PCDHGA1: variants seen among roughly 807,000 people sequenced by gnomAD.
The protein encoded by PCDHGA1 is protocadherin gamma-A1.
In PCDHGA1, 32 loss-of-function variants were observed where a neutral mutation model predicts 58.0. The ratio of observed to expected loss-of-function variants is 0.55; its 90% CI spans 0.42 to 0.74. The LOEUF is 0.74. PCDHGA1 is among the 30% of genes least tolerant of loss of function. The probability of loss-of-function intolerance (pLI) is 0.00; values close to 1 mark genes in which losing one functional copy is unlikely to be tolerated. For missense variants in PCDHGA1, 1,205 were observed against 1,182.3 expected (o/e 1.02, Z -0.28); for synonymous variants, 498 against 501.1 (o/e 0.99, Z 0.08).
At chr5:141,415,259 T>A (rs778452630) in intron 1 of PCDHGA1, 5 of 1,614,226 alleles carry the variant, frequency 3.1e-6, no homozygotes, top group Admixed American at 1.7e-5. Flanking sequence ...GACCTCACTC[T>A]GTACCTGGTG....
chr5:141,494,924 TGGGAGGAGATGGGGGAG>T, intron 2 of PCDHGA1, 59 bp downstream of exon 2: 1 of 1,613,498 alleles, frequency 6.2e-7, no homozygotes, highest in Admixed American at 1.7e-5. Flanking sequence ...AGGGATGACG[TGGGAGGAGATGGGGGAG>T]GGCCCAGCAT....
At chr5:141,399,645 A>C (rs762123604) in intron 1 of PCDHGA1, 8 of 1,613,676 alleles carry the variant, frequency 5.0e-6, no homozygotes, top group Admixed American at 1.7e-5. Flanking sequence ...TGAGCGCGCA[A>C]AGTGGGGTGG....
intron 1 of PCDHGA1, among the ~76,000 whole-genome samples, chr5:141,460,454 T>C (rs1010186960): frequency 6.6e-6 from 1 of 152,194 alleles, no homozygotes; most frequent in Admixed American, 6.6e-5. Context: ...TGAAGATTCA[T>C]ATTTTTTTCC....
rs778153551 is a variant in PCDHGA1 at position 141,339,688 on chromosome 5, G to A, written c.2421+6583G>A. 43 of 1,614,032 alleles carry A rather than the reference G, an allele frequency of 2.7e-5. No homozygotes were observed. In the Middle Eastern group the frequency reaches 8.2e-4, roughly 31 times the overall value. ...AGGTCCTGGATGCGAACGACAATGC[G>A]CCTGTTTTTACACAGCCCGAGTACC... On this transcript the variant is annotated intron_variant, in intron 1 of 3. Transcript: ENST00000517417.
chr5:141,504,180 A>G (rs1195970606), intron 2 of PCDHGA1, among the ~76,000 whole-genome samples: 1 of 152,236 alleles, frequency 6.6e-6, no homozygotes, highest in Non-Finnish European at 1.5e-5. Context: ...ATTCAAAAAA[A>G]TCATGAAAAT....
intron 1 of PCDHGA1, chr5:141,419,680 C>T (rs757026598): frequency 9.3e-6 from 15 of 1,612,946 alleles, no homozygotes; most frequent in Non-Finnish European, 1.3e-5. Flanking sequence ...TGTCCTACCA[C>T]GTGGTGCAGG....
In PCDHGA1 at chr5:141,476,877, T is replaced by C. The variant is rs2099400648; in HGVS notation, c.2422-17930T>C. ...CAGTCCTTGTACCGGGCGCGCGTCC[T>C]GGAGGATGCACCCTCCGGCACGCGC... On this transcript the variant is annotated intron_variant, in intron 1 of 3. Transcript: ENST00000517417. This position sits in a 1 kb window ranked among gnomAD's most constrained non-coding sequence, Gnocchi z 7.6. 4.3e-6 allele frequency: 7 copies of C among 1,613,954 alleles called. No homozygotes were observed. The highest frequency in any genetic ancestry group is 5.9e-6 in the Non-Finnish European group (7 of 1,180,038).
intron 1 of PCDHGA1, chr5:141,375,151 T>A (rs1771184032): frequency 6.2e-7 from 1 of 1,613,844 alleles, no homozygotes; most frequent in African/African-American, 1.3e-5. Context: ...GCAGAACAAT[T>A]GCTGAAAGTG....
chr5:141,374,348 A>G (rs756876853), intron 1 of PCDHGA1: 4 of 1,614,028 alleles, frequency 2.5e-6, no homozygotes, highest in Middle Eastern at 1.6e-4. Context: ...CACCGCGGGT[A>G]GGATAGACCG....
chr5:141,485,279 C>T lies in PCDHGA1; in HGVS notation c.2422-9528C>T. 1 of 1,614,108 alleles carries T rather than the reference C, an allele frequency of 6.2e-7. No individual in the cohort carries two copies. Among genetic ancestry groups the T allele is most frequent in the Non-Finnish European group, 8.5e-7 (1 of 1,179,966 alleles). ...TTGTGGGCAGATCCGCTACCCGGTC[C>T]CAGAGGAGTCACAGGAAGGGACTTT... On this transcript the variant is annotated intron_variant, in intron 1 of 3. Transcript: ENST00000517417. The surrounding 1 kb of genome is among the most constrained non-coding windows in gnomAD (Gnocchi z 5.7).
At chr5:141,351,438 C>G in intron 1 of PCDHGA1, 1 of 1,612,402 alleles carries the variant, frequency 6.2e-7, no homozygotes, top group Non-Finnish European at 8.5e-7. Context: ...TTAGAATCCA[C>G]CTCGAAGAAT....
chr5:141,390,587 A>T (rs1043489470), intron 1 of PCDHGA1: 1 of 340,604 alleles, frequency 2.9e-6, no homozygotes, highest in Non-Finnish European at 5.3e-6. Flanking sequence ...AAAGTGAATG[A>T]GATTTTTCCT....
At chr5:141,483,603 A>T (rs1277479077) in intron 1 of PCDHGA1, among the ~76,000 whole-genome samples, 1 of 152,054 alleles carries the variant, frequency 6.6e-6, no homozygotes, top group Non-Finnish European at 1.5e-5. Context: ...AGGCTGGTTT[A>T]CACCTCCATC....
Position 141,394,531 on chromosome 5 carries a change from C to T in PCDHGA1, c.2421+61426C>T, listed in dbSNP as rs1188248060. ...CCCGCCCTCCCCACAGACGGTTCCA[C>T]TGGCGTGGAGCTGGCGCCCCGCTCC... On this transcript the variant is annotated intron_variant, in intron 1 of 3. Transcript: ENST00000517417. 3 of 1,614,224 alleles carry T rather than the reference C, an allele frequency of 1.9e-6. No homozygotes were observed. In the South Asian group the frequency reaches 3.3e-5, roughly 18 times the overall value.
intron 1 of PCDHGA1, chr5:141,361,558 A>G (rs775084773): frequency 6.2e-7 from 1 of 1,614,012 alleles, no homozygotes; most frequent in South Asian, 1.1e-5. Context: ...CGCTCAAATC[A>G]GTGCCTCTGA....
intron 1 of PCDHGA1, chr5:141,419,448 TC>T: frequency 6.2e-7 from 1 of 1,612,980 alleles, no homozygotes; most frequent in Non-Finnish European, 8.5e-7. Context: ...ACCTTCGAGC[TC>T]ACGCTGCAGG....
At chr5:141,498,971 GGGAAGGAAGGAAGGAAGGAA>G (rs201769957) in intron 2 of PCDHGA1, among the ~76,000 whole-genome samples, 1,566 of 111,048 alleles carry the variant, frequency 0.014, 32 homozygotes, top group African/African-American at 0.048. Flanking sequence ...GAGGGAGGGA[GGGAAGGAAGGAAGGAAGGAA>G]GGAAGGAAGG....
rs758579068 is a variant in PCDHGA1, at chr5:141,485,232, T to C, written c.2422-9575T>C. 6.2e-7 allele frequency: 1 copy of C among 1,614,136 alleles called. No individual in the cohort carries two copies. The highest frequency in any genetic ancestry group is 8.5e-7 in the Non-Finnish European group (1 of 1,180,016). Reference sequence around the variant, plus strand: ...TGGCGGTGGGCTACCCTTTTGTTCCTCTTTTACCACCTGGGTTACGTTTGT... The same window carrying C: ...TGGCGGTGGGCTACCCTTTTGTTCCCCTTTTACCACCTGGGTTACGTTTGT... On this transcript the variant is annotated intron_variant, in intron 1 of 3. Coordinates refer to ENST00000517417, the MANE Select transcript of PCDHGA1 (RefSeq NM_018912.3). This position sits in a 1 kb window ranked among gnomAD's most constrained non-coding sequence, Gnocchi z 5.7.
chr5:141,379,834 G>GA (rs199662644), intron 1 of PCDHGA1, among the ~76,000 whole-genome samples: 3,037 of 141,342 alleles, frequency 0.021, 48 homozygotes, highest in South Asian at 0.041. Flanking sequence ...GAAGCATCAG[G>GA]AAAAAAAACT....
Sources: gnomAD v4.1 joint callset for allele counts (sites outside exome capture counted in the v4.1 genomes callset) on GRCh38, gnomAD v4.1.1 for gene constraint, Gnocchi (gnomAD v3.1) non-coding constraint, MANE v1.5 for transcripts, NCBI Gene and HGNC (gene_info 2026-07-23, HGNC 2026-07-21) for gene names.